NELL2: variants seen among roughly 807,000 people sequenced by gnomAD.
NELL2 encodes neural EGFL like 2.
In NELL2, 41 loss-of-function variants were observed where a neutral mutation model predicts 109.6. The ratio of observed to expected loss-of-function variants is 0.37; its 90% confidence interval spans 0.29 to 0.49. NELL2 has a LOEUF of 0.49. Among genes scored for constraint, NELL2 ranks in the 20% least tolerant of loss-of-function variants. The pLI is 0.98. For synonymous variants in NELL2, 355 were observed against 344.7 expected (o/e 1.03, Z -0.33); for missense variants, 900 against 1,008.3 (o/e 0.89, Z 1.45).
intron 15 of NELL2, among the ~76,000 whole-genome samples, chr12:44,536,498 A>G (rs1942299345): frequency 6.6e-6 from 1 of 152,070 alleles, no homozygotes; most frequent in South Asian, 2.1e-4. Flanking sequence ...CACAGAAAAT[A>G]GCAGACCTGG....
At chr12:44,581,281 AT>A (rs1180879420) in intron 15 of NELL2, among the ~76,000 whole-genome samples, 3 of 152,190 alleles carry the variant, frequency 2.0e-5, no homozygotes. Flanking sequence ...CATCTTAAAG[AT>A]ACTTAATTTA....
intron 9 of NELL2, among the ~76,000 whole-genome samples, chr12:44,737,424 G>A (rs1939710111): frequency 6.6e-6 from 1 of 151,870 alleles, no homozygotes; most frequent in Admixed American, 6.6e-5. Flanking sequence ...TTAATAGGCA[G>A]ATTTCTCATT....
intron 9 of NELL2, among the ~76,000 whole-genome samples, chr12:44,736,026 T>C (rs1263542340): frequency 1.3e-5 from 2 of 148,786 alleles, no homozygotes; most frequent in Non-Finnish European, 3.0e-5. Context: ...TTTTTTTTTT[T>C]TTCTGACGGA....
intron 9 of NELL2, among the ~76,000 whole-genome samples, chr12:44,753,871 T>A (rs1224567703): frequency 6.6e-6 from 1 of 152,190 alleles, no homozygotes; most frequent in Non-Finnish European, 1.5e-5. Flanking sequence ...TTGTTAAAAT[T>A]TCCCCTAATG....
intron 2 of NELL2, among the ~76,000 whole-genome samples, chr12:44,844,352 T>C (rs1270269758): frequency 1.3e-5 from 2 of 152,126 alleles, no homozygotes; most frequent in Non-Finnish European, 1.5e-5. Flanking sequence ...ACTTATTACT[T>C]AACAATAAAA....
chr12:44,604,414 G>T (rs1450526158), intron 15 of NELL2, among the ~76,000 whole-genome samples: 2 of 152,110 alleles, frequency 1.3e-5, no homozygotes, highest in African/African-American at 4.8e-5. Flanking sequence ...CCATATGATA[G>T]TACAGAACTA....
intron 1 of NELL2, among the ~76,000 whole-genome samples, chr12:44,889,909 CA>C (rs1229538414): frequency 6.6e-6 from 1 of 152,164 alleles, no homozygotes; most frequent in Non-Finnish European, 1.5e-5. Context: ...TGCTAGTGCT[CA>C]GCTACTGCCA....
intron 15 of NELL2, among the ~76,000 whole-genome samples, chr12:44,556,470 T>C (rs1052112462): frequency 2.0e-5 from 3 of 152,070 alleles, no homozygotes; most frequent in Non-Finnish European, 4.4e-5. Context: ...ATCAGTCCAA[T>C]GGTACTAGAA....
rs1367115626 is a variant in NELL2 at position 44,854,636 on chromosome 12, G to T, written c.184+20589C>A. Among the ~76,000 whole-genome samples the T allele has an allele frequency of 2.7e-5, 4 of 150,442 alleles. No individual in the cohort carries two copies. The East Asian group carries it at 7.8e-4, about 29-fold the overall frequency. On this transcript the variant is annotated intron_variant, in intron 2 of 19. Coordinates refer to ENST00000429094, the MANE Select transcript of NELL2 (RefSeq NM_001145108.2). ...TCTAATCTCCACTTAAGTATTATTAGAGACATGTTTATTGGATGGATGGAT... is the reference window on the plus strand; with the variant it reads ...TCTAATCTCCACTTAAGTATTATTATAGACATGTTTATTGGATGGATGGAT...
chr12:44,817,952 A>C (rs1943407307), intron 2 of NELL2, among the ~76,000 whole-genome samples: 1 of 152,202 alleles, frequency 6.6e-6, no homozygotes, highest in African/African-American at 2.4e-5. Flanking sequence ...ACAGGCACCT[A>C]ACCCAAGTTA....
intron 9 of NELL2, among the ~76,000 whole-genome samples, chr12:44,753,941 C>G (rs1407639989): frequency 1.3e-5 from 2 of 152,198 alleles, no homozygotes; most frequent in African/African-American, 4.8e-5. Flanking sequence ...ACATTTCCCT[C>G]TTTCAAAATG....
At chr12:44,738,752 G>A (rs1939783083) in intron 9 of NELL2, among the ~76,000 whole-genome samples, 1 of 152,172 alleles carries the variant, frequency 6.6e-6, no homozygotes, top group African/African-American at 2.4e-5. Flanking sequence ...GTACAGCATG[G>A]TGACTATAGT....
chr12:44,581,032 G>T (rs1157586903), intron 15 of NELL2, among the ~76,000 whole-genome samples: 3 of 152,098 alleles, frequency 2.0e-5, no homozygotes, highest in Non-Finnish European at 4.4e-5. Context: ...ATTTGCATGG[G>T]ACAATTTACA....
intron 12 of NELL2, among the ~76,000 whole-genome samples, chr12:44,687,171 G>C (rs1948748935): frequency 3.3e-5 from 5 of 152,312 alleles, no homozygotes; most frequent in Admixed American, 2.0e-4. Flanking sequence ...CGATTTTCCA[G>C]GTGCTGTCTG....
At chr12:44,726,405 G>A (rs979956893) in intron 9 of NELL2, among the ~76,000 whole-genome samples, 17 of 152,012 alleles carry the variant, frequency 1.1e-4, no homozygotes, top group African/African-American at 3.6e-4. Context: ...AGTGGGTGAT[G>A]CAATGGGCTT....
rs1943546041 is a variant in NELL2 at position 44,821,636 on chromosome 12, G to T, written c.185-5500C>A. 2.0e-5 allele frequency among the ~76,000 whole-genome samples: 3 copies of T among 152,128 alleles called. No individual in the cohort carries two copies. In the South Asian group the frequency reaches 6.2e-4, roughly 32 times the overall value. ...GATTATTATGATAAGACCTAATTCT[G>T]ACATTGACCATTAAATCAAGTCAAA... On this transcript the variant is annotated intron_variant, in intron 2 of 19. Transcript: ENST00000429094.
At chr12:44,568,939 T>C (rs1034807299) in intron 15 of NELL2, among the ~76,000 whole-genome samples, 2 of 152,144 alleles carry the variant, frequency 1.3e-5, no homozygotes, top group African/African-American at 4.8e-5. Flanking sequence ...ACAGGTAAAC[T>C]TGTGTCATGG....
chr12:44,609,871 A>C (rs1175266423), intron 14 of NELL2, among the ~76,000 whole-genome samples: 1 of 152,048 alleles, frequency 6.6e-6, no homozygotes, highest in Non-Finnish European at 1.5e-5. Flanking sequence ...CTCTGAGATA[A>C]AGGACACGGT....
At chr12:44,575,661 C>T (rs1014222587) in intron 15 of NELL2, among the ~76,000 whole-genome samples, 2 of 152,170 alleles carry the variant, frequency 1.3e-5, no homozygotes. Flanking sequence ...TCTAGGCATG[C>T]TTTCGATAAT....
Sources: allele counts gnomAD v4.1 joint callset (sites outside exome capture counted in the v4.1 genomes callset), GRCh38; gene constraint gnomAD v4.1.1; transcripts MANE v1.5; gene names NCBI Gene and HGNC (gene_info 2026-07-23, HGNC 2026-07-21).